The following RNASET2 variants were observed in gnomAD, a reference collection of about 807,000 sequenced individuals.
RNASET2 encodes the protein ribonuclease T2, also known as ribonuclease 6.
RNASET2 carries 28 observed loss-of-function variants against 33.9 expected under a neutral mutation model. That is an observed-to-expected ratio of 0.83 (90% CI 0.61 to 1.13). The LOEUF is 1.13. Among genes scored for constraint, RNASET2 ranks in the 50% most tolerant of loss-of-function variants. The probability of loss-of-function intolerance (pLI) is 0.00; values close to 1 mark genes in which losing one functional copy is unlikely to be tolerated. For missense variants in RNASET2, 330 were observed against 319.9 expected (o/e 1.03, Z -0.24); for synonymous variants, 123 against 121.0 (o/e 1.02, Z -0.11).
intron 6 of RNASET2, 66 bp from the exon 7 acceptor site, chr6:166,934,202 A>G (rs1447692518): frequency 3.9e-6 from 4 of 1,036,474 alleles, no homozygotes; most frequent in Non-Finnish European, 6.0e-6. Flanking sequence ...TGTTCTTTTC[A>G]GGTATCATAT....
At chr6:166,943,873 G>GC in intron 4 of RNASET2, 1 of 393,034 alleles carries the variant, frequency 2.5e-6, no homozygotes, top group Non-Finnish European at 5.3e-6. Flanking sequence ...TGTAATCCCA[G>GC]CACTTTCGGA....
chr6:166,949,844 A>G (rs143247730), intron 2 of RNASET2, among the ~76,000 whole-genome samples: 46 of 152,292 alleles, frequency 3.0e-4, no homozygotes, highest in African/African-American at 9.9e-4. Context: ...GAGAGCCCAG[A>G]ACACTGAGAA....
chr6:166,956,099 C>T lies in RNASET2; in HGVS notation c.84G>A (p.Leu28=). 6.4e-7 allele frequency: 1 copy of T among 1,552,254 alleles called. No homozygotes were observed. Among genetic ancestry groups the T allele is most frequent in the Non-Finnish European group, 8.7e-7 (1 of 1,147,194 alleles). The change falls in exon 1 of 9, where the codon CTG becomes CTA. Residue 28 remains leucine (L), a splice_region_variant and synonymous_variant. Transcript: ENST00000508775. ...CTTTACCTCGCAAGGTAACTCACCGCAGGCGCTTGTCCGCACCGCCCAGGC... is the reference window on the plus strand; with the variant it reads ...CTTTACCTCGCAAGGTAACTCACCGTAGGCGCTTGTCCGCACCGCCCAGGC... ...LLCLGGADKR[L]RDNHEWKKLI...
rs559344834 is a variant in RNASET2, at chr6:166,924,756, C to A, written c.*4832G>T. ...TCACCCGAGGTCGGGAGTTTGAGAC[C>A]AGCGTGACCAACATGGAGAAAACCC... On this transcript the variant is annotated 3_prime_UTR_variant, in exon 9 of 9. Transcript: ENST00000508775. Among the ~76,000 whole-genome samples, 69 of 152,238 alleles carry A rather than the reference C, an allele frequency of 4.5e-4. No individual in the cohort carries two copies. The South Asian group carries it at 0.014, about 32-fold the overall frequency.
chr6:166,955,972 C>G (rs886650751), intron 1 of RNASET2, 125 bp downstream of exon 1: 2 of 1,141,688 alleles, frequency 1.8e-6, no homozygotes, highest in African/African-American at 1.5e-5. Context: ...TCGGCTCCCC[C>G]CGCCCTCCCC....
chr6:166,924,237 A>G lies in RNASET2; in HGVS notation c.*5351T>C, dbSNP rs1238057500. On this transcript the variant is annotated 3_prime_UTR_variant, in exon 9 of 9. Transcript: ENST00000508775. ...TGCCTCAGCCTCCCGAGTAGCTGGG[A>G]CTACAGGTGCCCGCCACCATGCCCG... 6.6e-6 allele frequency among the ~76,000 whole-genome samples: 1 copy of G among 152,084 alleles called. No homozygotes were observed. Among genetic ancestry groups the G allele is most frequent in the Non-Finnish European group, 1.5e-5 (1 of 68,016 alleles).
In RNASET2 at chr6:166,934,109, T is replaced by C. The variant is rs748671487; in HGVS notation, c.474A>G (p.Pro158=). 11 of 1,609,566 alleles carry C rather than the reference T, an allele frequency of 6.8e-6. No individual in the cohort carries two copies. The South Asian group carries it at 7.7e-5, about 11-fold the overall frequency. The part of the protein sequence containing the change: ...NSVLLKLGIK[P]SINYYQVADF... Reference sequence around the variant, plus strand: ...GACTTACTTGGTAGTAATTGATGGATGGTTTTATCCCCAATTTTAGAAGCA... The same window carrying C: ...GACTTACTTGGTAGTAATTGATGGACGGTTTTATCCCCAATTTTAGAAGCA... The change falls in exon 7 of 9, where the codon CCA becomes CCG. Residue 158 remains proline, a synonymous_variant. Coordinates refer to ENST00000508775, the MANE Select transcript of RNASET2 (RefSeq NM_003730.6).
intron 1 of RNASET2, among the ~76,000 whole-genome samples, chr6:166,955,270 C>G: frequency 1.1e-5 from 1 of 94,656 alleles, no homozygotes; most frequent in East Asian, 4.2e-4. Context: ...CACACACACA[C>G]GCGCACACAC....
chr6:166,931,194 C>T (rs1311413016), intron 7 of RNASET2, 76 bp from the exon 8 acceptor site: 2 of 1,056,570 alleles, frequency 1.9e-6, no homozygotes, highest in Admixed American at 3.4e-5. Flanking sequence ...ATCCTGAGCG[C>T]AACAGTGGCA....
rs1424058817 is a variant in RNASET2 at position 166,926,468 on chromosome 6, A to G, written c.*3120T>C. Among the ~76,000 whole-genome samples, 9 of 147,418 alleles carry G rather than the reference A, an allele frequency of 6.1e-5. No homozygotes were observed. Among genetic ancestry groups the G allele is most frequent in the African/African-American group, 1.7e-4 (7 of 40,244 alleles). ...AGAATTGCTTGAACCCAGGAGACAGAGGTTGCAGTGAGCCGAGATCGCACC... is the reference window on the plus strand; with the variant it reads ...AGAATTGCTTGAACCCAGGAGACAGGGGTTGCAGTGAGCCGAGATCGCACC... On this transcript the variant is annotated 3_prime_UTR_variant, in exon 9 of 9. Transcript: ENST00000508775.
chr6:166,953,023 C>T (rs561819607), intron 1 of RNASET2: 9 of 198,972 alleles, frequency 4.5e-5, no homozygotes, highest in African/African-American at 1.6e-4. Flanking sequence ...CGCTATTTAT[C>T]GTTACTACCC....
chr6:166,949,140 G>C (rs1208037994), intron 2 of RNASET2, among the ~76,000 whole-genome samples: 1 of 144,804 alleles, frequency 6.9e-6, no homozygotes, highest in Non-Finnish European at 1.5e-5. Context: ...CTTGAACTCA[G>C]TGAGCCGAGA....
At chr6:166,951,172 G>A (rs753470659) in intron 2 of RNASET2, among the ~76,000 whole-genome samples, 4 of 151,982 alleles carry the variant, frequency 2.6e-5, no homozygotes, top group Non-Finnish European at 4.4e-5. Context: ...CAGCGGAGGC[G>A]GAGAGAGAGA....
rs567743146 is a variant in RNASET2 at position 166,943,891 on chromosome 6, G to A, written c.262-802C>T. On this transcript the variant is annotated intron_variant, in intron 4 of 8. Transcript: ENST00000508775. ...AATCCCAGCACTTTCGGAGGCCGATGCGGGCGGATCACGAGGTCAGGAGAT... is the reference window on the plus strand; with the variant it reads ...AATCCCAGCACTTTCGGAGGCCGATACGGGCGGATCACGAGGTCAGGAGAT... 279 of 356,200 alleles carry A rather than the reference G, an allele frequency of 7.8e-4. 3 individuals carry two copies. Among genetic ancestry groups the A allele is most frequent in the Admixed American group, 2.3e-3 (66 of 29,058 alleles). 22.1% of individuals were successfully genotyped at this position (356,200 alleles called of 1,614,324 possible). A position where few individuals can be genotyped will look rare whatever the true frequency, so the allele number is the denominator to read the frequency against.
intron 1 of RNASET2, chr6:166,955,816 C>T: frequency 1.1e-6 from 1 of 944,760 alleles, no homozygotes; most frequent in South Asian, 4.9e-5. Flanking sequence ...CACCCCGGGG[C>T]GTGCTCAGGA....
chr6:166,939,110 G>A lies in RNASET2; in HGVS notation c.333-102C>T, dbSNP rs1778639115. 130 of 812,118 alleles carry A rather than the reference G, an allele frequency of 1.6e-4. No homozygotes were observed. The South Asian group carries it at 1.7e-3, about 11-fold the overall frequency. 50.3% of individuals were successfully genotyped at this position (812,118 alleles called of 1,614,324 possible). ...ACACTTTGGGAGGCTGAAGGGGGTG[G>A]ATCACCTGAGATCAGGAGTTTGAGA... On this transcript the variant is annotated intron_variant, in intron 5 of 8. Transcript: ENST00000508775.
rs1338995177 is a variant in RNASET2, at chr6:166,955,269, A to ACG, written c.86+826_86+827dup. Among the ~76,000 whole-genome samples, 23 of 87,274 alleles carry ACG rather than the reference A, an allele frequency of 2.6e-4. 2 individuals are homozygous for ACG. Among genetic ancestry groups the ACG allele is most frequent in the Middle Eastern group, 5.7e-3 (1 of 174 alleles). 57.3% of individuals were successfully genotyped at this position (87,274 alleles called of 152,430 possible). ...CACACGCACACACGCACACACACAC[A>ACG]CGCGCACACACGACACACACGCACA... On this transcript the variant is annotated intron_variant, in intron 1 of 8. Coordinates refer to ENST00000508775, the MANE Select transcript of RNASET2 (RefSeq NM_003730.6).
At chr6:166,942,083 T>C (rs1778706132) in intron 5 of RNASET2, among the ~76,000 whole-genome samples, 1 of 128,602 alleles carries the variant, frequency 7.8e-6, no homozygotes, top group African/African-American at 3.3e-5. Flanking sequence ...GATGGAATCT[T>C]GCCCTGTTGC....
chr6:166,948,065 G>A (rs1778890753), intron 3 of RNASET2, among the ~76,000 whole-genome samples: 1 of 152,094 alleles, frequency 6.6e-6, no homozygotes, highest in African/African-American at 2.4e-5. Context: ...AGTGTTATTG[G>A]CTGGGCACAG....
Sources: allele counts gnomAD v4.1 joint callset (sites outside exome capture counted in the v4.1 genomes callset), GRCh38; gene constraint gnomAD v4.1.1; transcripts MANE v1.5; gene names NCBI Gene and HGNC (gene_info 2026-07-23, HGNC 2026-07-21).